Variants in SGTB observed in about 807,000 individuals in gnomAD.
The protein encoded by SGTB is small glutamine rich tetratricopeptide repeat co-chaperone beta.
Under a neutral mutation model 43.9 loss-of-function variants are expected in SGTB, and 19 were observed. The ratio of observed to expected loss-of-function variants is 0.43; its 90% CI spans 0.30 to 0.63. The LOEUF (loss-of-function observed/expected upper bound fraction) is 0.63, where lower values mean the gene tolerates loss of function less well. Among genes scored for constraint, SGTB ranks in the 30% least tolerant of loss-of-function variants. The pLI, the probability that SGTB is intolerant of heterozygous loss-of-function variation, is 0.12. For missense variants in SGTB, 304 were observed against 358.9 expected (o/e 0.85, Z 1.24); for synonymous variants, 116 against 117.3 (o/e 0.99, Z 0.07).
intron 5 of SGTB, among the ~76,000 whole-genome samples, chr5:65,694,691 T>C (rs1007776959): frequency 3.9e-5 from 6 of 152,028 alleles, no homozygotes; most frequent in African/African-American, 1.4e-4. Context: ...TTGGCCAGGC[T>C]GGTCTCAAAC....
chr5:65,696,763 C>T (rs1016755589), intron 5 of SGTB, among the ~76,000 whole-genome samples: 1 of 152,180 alleles, frequency 6.6e-6, no homozygotes, highest in Non-Finnish European at 1.5e-5. Context: ...AGCAAAACTA[C>T]ATGGTATGTT....
At chr5:65,713,460 T>C (rs1304386863) in intron 2 of SGTB, among the ~76,000 whole-genome samples, 2 of 152,130 alleles carry the variant, frequency 1.3e-5, no homozygotes, top group Non-Finnish European at 2.9e-5. Context: ...TAATTGAGAC[T>C]ATAGGCATGA....
intron 5 of SGTB, among the ~76,000 whole-genome samples, chr5:65,694,074 C>T (rs1191385170): frequency 6.6e-6 from 1 of 152,108 alleles, no homozygotes; most frequent in African/African-American, 2.4e-5. Context: ...TATTGGACAG[C>T]ACCACTCCAC....
At chr5:65,712,680 GA>G (rs1242496266) in intron 3 of SGTB, among the ~76,000 whole-genome samples, 3 of 151,132 alleles carry the variant, frequency 2.0e-5, no homozygotes, top group Non-Finnish European at 4.4e-5. Context: ...TGACATTCAA[GA>G]AAAAAAATAC....
chr5:65,672,030 T>G, intron 9 of SGTB, 32 bp from the exon 10 acceptor site: 1 of 1,608,362 alleles, frequency 6.2e-7, no homozygotes, highest in Non-Finnish European at 8.5e-7. Context: ...TCACTGGGAT[T>G]GGTATATATT....
At chr5:65,675,628 T>G (rs888215848) in intron 8 of SGTB, among the ~76,000 whole-genome samples, 5 of 152,154 alleles carry the variant, frequency 3.3e-5, no homozygotes, top group Non-Finnish European at 5.9e-5. Context: ...GGGAAGCCCA[T>G]CAGACTAACA....
chr5:65,692,607 A>T (rs1006462355), intron 5 of SGTB, among the ~76,000 whole-genome samples: 1 of 152,206 alleles, frequency 6.6e-6, no homozygotes, highest in African/African-American at 2.4e-5. Flanking sequence ...CGTGAAAAAC[A>T]ATCAATCAAA....
intron 5 of SGTB, among the ~76,000 whole-genome samples, chr5:65,693,125 C>T (rs1347548643): frequency 6.6e-6 from 1 of 151,708 alleles, no homozygotes; most frequent in East Asian, 1.9e-4. Context: ...ACCTGGAAGG[C>T]AGAGGTTACA....
At chr5:65,691,809 T>C (rs1015767869) in intron 5 of SGTB, among the ~76,000 whole-genome samples, 4 of 151,230 alleles carry the variant, frequency 2.6e-5, no homozygotes, top group Non-Finnish European at 5.9e-5. Flanking sequence ...CGGGCGCCTG[T>C]AGTCCCAGCT....
chr5:65,717,070 A>T (rs941815749), intron 2 of SGTB, among the ~76,000 whole-genome samples: 1 of 152,120 alleles, frequency 6.6e-6, no homozygotes, highest in Non-Finnish European at 1.5e-5. Context: ...TGAGGAAATG[A>T]CCATCAACAT....
intron 5 of SGTB, 47 bp from the exon 6 acceptor site, chr5:65,685,519 C>T (rs1212010645): frequency 6.5e-7 from 1 of 1,549,060 alleles, no homozygotes. Context: ...TTTCAAGGCA[C>T]TAATTTAGAT....
intron 5 of SGTB, among the ~76,000 whole-genome samples, chr5:65,694,862 A>G (rs914427902): frequency 6.6e-6 from 1 of 152,168 alleles, no homozygotes; most frequent in Admixed American, 6.5e-5. Context: ...ATTTTTAAGA[A>G]ATCAGTAAGT....
At chr5:65,709,017 G>C (rs1043853909) in intron 3 of SGTB, among the ~76,000 whole-genome samples, 1 of 149,118 alleles carries the variant, frequency 6.7e-6, no homozygotes, top group African/African-American at 2.5e-5. Flanking sequence ...CTCCAGCCTG[G>C]GCAACAGAGC....
intron 8 of SGTB, among the ~76,000 whole-genome samples, chr5:65,673,320 T>G (rs958972871): frequency 6.6e-6 from 1 of 152,184 alleles, no homozygotes; most frequent in African/African-American, 2.4e-5. Context: ...AGAGGCACCA[T>G]TGACTGCTTT....
intron 5 of SGTB, among the ~76,000 whole-genome samples, chr5:65,694,337 CAGA>C (rs542809122): frequency 6.6e-6 from 1 of 151,940 alleles, no homozygotes; most frequent in South Asian, 2.1e-4. Context: ...GAGGCTGAGA[CAGA>C]AGAATTGCCT....
intron 8 of SGTB, among the ~76,000 whole-genome samples, chr5:65,675,770 T>C (rs1233694674): frequency 6.6e-6 from 1 of 152,080 alleles, no homozygotes; most frequent in Non-Finnish European, 1.5e-5. Context: ...AGAAATAAGA[T>C]CCTTTTCAGA....
chr5:65,698,353 T>A (rs1415589120), intron 5 of SGTB, among the ~76,000 whole-genome samples: 1 of 152,228 alleles, frequency 6.6e-6, no homozygotes, highest in Non-Finnish European at 1.5e-5. Flanking sequence ...GCATCAAATG[T>A]ACTATACTGC....
chr5:65,699,216 A>G (rs894930476), intron 5 of SGTB, among the ~76,000 whole-genome samples: 6 of 152,354 alleles, frequency 3.9e-5, no homozygotes, highest in Middle Eastern at 3.4e-3. Flanking sequence ...AAAAAAGAAC[A>G]AGATAATGTC....
chr5:65,696,809 T>C (rs1354232307), intron 5 of SGTB, among the ~76,000 whole-genome samples: 1 of 152,154 alleles, frequency 6.6e-6, no homozygotes, highest in Non-Finnish European at 1.5e-5. Flanking sequence ...TTTATCAAAG[T>C]GGAGCCTAAA....
Sources: gnomAD v4.1 joint callset for allele counts (sites outside exome capture counted in the v4.1 genomes callset) on GRCh38, gnomAD v4.1.1 for gene constraint, MANE v1.5 for transcripts, NCBI Gene and HGNC (gene_info 2026-07-23, HGNC 2026-07-21) for gene names.